The following NUCB1 variants were observed in gnomAD, a reference collection of about 807,000 sequenced individuals.
The protein encoded by NUCB1 is nucleobindin-1.
Under a neutral mutation model 61.2 loss-of-function variants are expected in NUCB1, and 47 were observed. The ratio of observed to expected loss-of-function variants is 0.77; its 90% confidence interval spans 0.61 to 0.98. The LOEUF is 0.98. Ranked by LOEUF, NUCB1 falls within the 50% of genes least tolerant of loss-of-function variation. The probability of loss-of-function intolerance (pLI) is 0.00; values close to 1 mark genes in which losing one functional copy is unlikely to be tolerated. For missense variants in NUCB1, 583 were observed against 605.3 expected (o/e 0.96, Z 0.39); for synonymous variants, 234 against 243.1 (o/e 0.96, Z 0.35).
chr19:48,916,454 C>G (rs1439688306), intron 7 of NUCB1, among the ~76,000 whole-genome samples: 2 of 151,498 alleles, frequency 1.3e-5, no homozygotes, highest in Non-Finnish European at 2.9e-5. Context: ...CCCATCTCTA[C>G]AAATAAAATA....
chr19:48,904,386 A>T lies in NUCB1; in HGVS notation c.175A>T (p.Ile59Phe). The T allele has an allele frequency of 6.2e-7, 1 of 1,613,688 alleles. No homozygotes were observed. The highest frequency in any genetic ancestry group is 8.5e-7 in the Non-Finnish European group (1 of 1,179,802). Residue 59 changes from isoleucine (I) to phenylalanine (F), a missense_variant, in exon 3 of 13, where the codon ATC becomes TTC. Physicochemically the swap from Ile to Phe is conservative, Grantham distance 21. Transcript: ENST00000405315. Reference protein sequence around the residue: ...LYYHRYLQEVIDVLETDGHFR... With the variant: ...LYYHRYLQEVFDVLETDGHFR... ...CTACCACCGGTACCTCCAGGAGGTC[A>T]TCGATGTACTGGAGACGGATGGGCA...
chr19:48,912,823 A>G (rs2037489881), intron 5 of NUCB1, among the ~76,000 whole-genome samples, 188 bp from the exon 6 acceptor site: 1 of 148,248 alleles, frequency 6.7e-6, no homozygotes, highest in African/African-American at 2.5e-5. Context: ...CAGCCTGGGC[A>G]ACAGAGCAAG....
Position 48,918,785 on chromosome 19 carries a change from G to A in NUCB1, c.816+1G>A. The stretch of plus-strand genomic sequence containing the variant: ...GCTGGAGGCACTCTTCACCAAGGAG[G>A]TGAGCATCTTGGAAGCCTCGGGCAC... On this transcript the variant is annotated splice_donor_variant, in intron 8 of 12. Coordinates refer to ENST00000405315, the MANE Select transcript of NUCB1 (RefSeq NM_006184.6). LOFTEE classifies it high-confidence loss of function. 1 of 1,613,720 alleles carries A rather than the reference G, an allele frequency of 6.2e-7. No individual in the cohort carries two copies. Among genetic ancestry groups the A allele is most frequent in the East Asian group, 2.2e-5 (1 of 44,880 alleles).
chr19:48,915,752 T>G (rs540129717), intron 7 of NUCB1, among the ~76,000 whole-genome samples: 1 of 151,854 alleles, frequency 6.6e-6, no homozygotes, highest in East Asian at 1.9e-4. Context: ...CCACCTATCT[T>G]GGCCTCCCGA....
At chr19:48,900,610 C>T (rs962086933) in intron 1 of NUCB1, 176 bp from the exon 2 acceptor site, 19 of 797,578 alleles carry the variant, frequency 2.4e-5, no homozygotes, top group Non-Finnish European at 3.6e-5. Flanking sequence ...GGCCCAGACT[C>T]CTGTGTCGGA....
chr19:48,912,062 A>T (rs1310583120), intron 5 of NUCB1, among the ~76,000 whole-genome samples: 1 of 136,296 alleles, frequency 7.3e-6, no homozygotes, highest in Non-Finnish European at 1.5e-5. Flanking sequence ...TCTTGCTCTG[A>T]TGCCCAGGCT....
At position 48,912,561 on chromosome 19, in the gene NUCB1, C is replaced by T. The variant is rs139094416; in HGVS notation, c.481-450C>T. The stretch of plus-strand genomic sequence containing the variant: ...CCAAAAAGGGCGACATCAGGCTGTG[C>T]GCGATGGCTCACGCCTATAATCCCA... On this transcript the variant is annotated intron_variant, in intron 5 of 12. Coordinates refer to ENST00000405315, the MANE Select transcript of NUCB1 (RefSeq NM_006184.6). 9.9e-5 allele frequency among the ~76,000 whole-genome samples: 15 copies of T among 152,102 alleles called. No homozygotes were observed. The East Asian group carries it at 1.2e-3, about 12-fold the overall frequency.
chr19:48,906,339 G>A (rs1163959636), intron 4 of NUCB1, among the ~76,000 whole-genome samples: 1 of 149,980 alleles, frequency 6.7e-6, no homozygotes, highest in Admixed American at 6.7e-5. Flanking sequence ...GGGAGGCGGA[G>A]GTTGTAGTGA....
At chr19:48,905,416 T>A (rs1415826736) in intron 3 of NUCB1, among the ~76,000 whole-genome samples, 1 of 152,136 alleles carries the variant, frequency 6.6e-6, no homozygotes, top group Non-Finnish European at 1.5e-5. Flanking sequence ...TTTTGTATTG[T>A]TTCTAGAGAC....
chr19:48,911,410 T>C (rs1050065977), intron 5 of NUCB1, among the ~76,000 whole-genome samples, 158 bp downstream of exon 5: 20 of 149,652 alleles, frequency 1.3e-4, no homozygotes, highest in African/African-American at 2.4e-4. Context: ...CTTTTCTTTT[T>C]TTTTTTTTTT....
At chr19:48,900,954 C>T (rs2037348018) in intron 2 of NUCB1, 23 bp downstream of exon 2, 1 of 1,613,588 alleles carries the variant, frequency 6.2e-7, no homozygotes, top group Non-Finnish European at 8.5e-7. Flanking sequence ...GCCCTGCTAT[C>T]CAGCCAGGTG....
chr19:48,913,498 G>T lies in NUCB1; in HGVS notation c.691G>T (p.Val231Leu). Residue 231 changes from valine to leucine, a missense_variant, in exon 7 of 13, where the codon GTG becomes TTG. Val to Leu is a conservative substitution (Grantham distance 32, BLOSUM62 1). Coordinates refer to ENST00000405315, the MANE Select transcript of NUCB1 (RefSeq NM_006184.6). ...VPGSQAQLKE[V>L]WEELDGLDPN... ...GGGCAGCCAAGCCCAGTTGAAGGAG[G>T]TGTGGGAGGAGCTGGATGGACTGGA... 6.2e-7 allele frequency: 1 copy of T among 1,614,186 alleles called. No individual in the cohort carries two copies. Among genetic ancestry groups the T allele is most frequent in the Non-Finnish European group, 8.5e-7 (1 of 1,180,022 alleles).
rs371970046 is a variant in NUCB1, at chr19:48,901,047, C to T, written c.135+116C>T. 2.0e-5 allele frequency: 26 copies of T among 1,287,218 alleles called. 1 individual carries two copies. The African/African-American group carries it at 2.3e-4, about 12-fold the overall frequency. 79.7% of individuals were successfully genotyped at this position (1,287,218 alleles called of 1,614,324 possible). A position where few individuals can be genotyped will look rare whatever the true frequency, so the allele number is the denominator to read the frequency against. On this transcript the variant is annotated intron_variant, in intron 2 of 12. Transcript: ENST00000405315. ...TGACTTCCTGGCCCTACAGTTGTAG[C>T]TTGTTTTTTGCCCACCATTCCTCCC...
chr19:48,904,075 A>T lies in NUCB1; in HGVS notation c.136-272A>T. Among the ~76,000 whole-genome samples, 2 of 151,478 alleles carry T rather than the reference A, an allele frequency of 1.3e-5. 1 individual carries two copies. Among genetic ancestry groups the T allele is most frequent in the Admixed American group, 1.3e-4 (2 of 15,190 alleles). On this transcript the variant is annotated intron_variant, in intron 2 of 12. Coordinates refer to ENST00000405315, the MANE Select transcript of NUCB1 (RefSeq NM_006184.6). The stretch of plus-strand genomic sequence containing the variant: ...GGTGGATGCATGGATGAATGGGTGG[A>T]TGCATGGATGGATGGATGGTTGGAT...
rs2037613999 is a variant in NUCB1 at position 48,921,887 on chromosome 19, C to G, written c.1234C>G (p.Pro412Ala). The change falls in exon 12 of 13, where the codon CCG (proline) becomes GCG (alanine). Residue 412 changes from proline (P) to alanine (A), a missense_variant. Transcript: ENST00000405315. ...GCAGCAGCAGCAAGGCCACAAGGCC[C>G]CGGCTGCCCACCCTGAGGGGCAGCT... ...QQQQQQGHKA[P>A]AAHPEGQLKF... 1 of 1,612,318 alleles carries G rather than the reference C, an allele frequency of 6.2e-7. No individual in the cohort carries two copies. Among genetic ancestry groups the G allele is most frequent in the Non-Finnish European group, 8.5e-7 (1 of 1,179,736 alleles).
chr19:48,912,183 C>T (rs2037481675), intron 5 of NUCB1, among the ~76,000 whole-genome samples: 1 of 151,802 alleles, frequency 6.6e-6, no homozygotes, highest in African/African-American at 2.4e-5. Context: ...AGCCACCGCA[C>T]CAGGCTAATT....
chr19:48,916,250 C>T (rs1196118657), intron 7 of NUCB1, among the ~76,000 whole-genome samples: 2 of 151,664 alleles, frequency 1.3e-5, no homozygotes, highest in African/African-American at 2.4e-5. Flanking sequence ...TTTCATTCTA[C>T]TGGATATTAA....
At chr19:48,921,079 T>C in intron 10 of NUCB1, 75 bp from the exon 11 acceptor site, 1 of 1,489,718 alleles carries the variant, frequency 6.7e-7, no homozygotes, top group Non-Finnish European at 9.0e-7. Context: ...CCTCCCCCAT[T>C]GGCACAACCC....
In NUCB1 at chr19:48,919,142, G is replaced by C; in HGVS notation, c.909+20G>C. ...AAGAATGTGAGGTGGGGGCCAGGCG[G>C]GGGAGAGGACGGGCCCCCAGCTCTG... On this transcript the variant is annotated intron_variant, in intron 9 of 12. Transcript: ENST00000405315. 1 of 1,613,728 alleles carries C rather than the reference G, an allele frequency of 6.2e-7. No homozygotes were observed. Among genetic ancestry groups the C allele is most frequent in the South Asian group, 1.1e-5 (1 of 91,056 alleles).
Sources: allele counts gnomAD v4.1 joint callset (sites outside exome capture counted in the v4.1 genomes callset), GRCh38; gene constraint gnomAD v4.1.1; transcripts MANE v1.5; gene names NCBI Gene and HGNC (gene_info 2026-07-23, HGNC 2026-07-21).